Variants in ZNF682 observed in about 807,000 individuals in gnomAD.
ZNF682 encodes zinc finger protein 682.
A neutral mutation model predicts 36.5 loss-of-function variants in ZNF682; 29 were observed. That is an observed-to-expected ratio of 0.80 (90% CI 0.59 to 1.08). The LOEUF (loss-of-function observed/expected upper bound fraction) is 1.08. Ranked by LOEUF, ZNF682 falls within the 50% of genes least tolerant of loss-of-function variation. The pLI, the probability that ZNF682 is intolerant of heterozygous loss-of-function variation, is 0.00. For missense variants in ZNF682, 561 were observed against 579.7 expected, an observed-to-expected ratio of 0.97 and a Z score of 0.33; for synonymous variants, 180 against 197.0, an observed-to-expected ratio of 0.91 and a Z score of 0.72.
rs555413899 is a variant in ZNF682 at position 20,018,286 on chromosome 19, G to A, written c.226+4718C>T. On this transcript the variant is annotated intron_variant, in intron 3 of 3. Transcript: ENST00000397165. The stretch of plus-strand genomic sequence containing the variant: ...TTTTTTGTATTTTTAGTAGAGACGG[G>A]GTTTCACCGTTTTTAGCCGGGATGG... Among the ~76,000 whole-genome samples, 70 of 150,846 alleles carry A rather than the reference G, an allele frequency of 4.6e-4. No individual in the cohort carries two copies. The South Asian group carries it at 9.9e-3, about 21-fold the overall frequency.
chr19:20,003,291 T>C (rs1406784514), downstream of ZNF682, among the ~76,000 whole-genome samples: 3 of 151,680 alleles, frequency 2.0e-5, no homozygotes, highest in South Asian at 6.2e-4. Flanking sequence ...AATAAAATGT[T>C]ACAACATATT....
chr19:19,997,263 C>A (rs1288696313), exon 4 of ZNF682: 4 of 398,432 alleles, frequency 1.0e-5, no homozygotes, highest in Non-Finnish European at 1.8e-5. Context: ...TCTGTAGGTA[C>A]CTGAAATGGA....
At chr19:20,019,148 C>G (rs1258350769) in intron 3 of ZNF682, among the ~76,000 whole-genome samples, 1 of 152,022 alleles carries the variant, frequency 6.6e-6, no homozygotes, top group South Asian at 2.1e-4. Flanking sequence ...AAAGGATGCT[C>G]AAGATTGCTA....
intron 3 of ZNF682, among the ~76,000 whole-genome samples, chr19:19,997,448 A>C (rs916601395): frequency 6.6e-6 from 1 of 152,154 alleles, no homozygotes; most frequent in Non-Finnish European, 1.5e-5. Context: ...CTGAGACTGC[A>C]AAAATGCTTC....
intron 3 of ZNF682, chr19:20,015,794 T>A (rs981713865): frequency 1.3e-5 from 5 of 398,006 alleles, no homozygotes; most frequent in Non-Finnish European, 1.8e-5. Flanking sequence ...GGAAACTTAT[T>A]AATATGTTGC....
intron 1 of ZNF682, among the ~76,000 whole-genome samples, chr19:20,027,475 G>A: frequency 6.6e-6 from 1 of 152,182 alleles, no homozygotes; most frequent in East Asian, 1.9e-4. Context: ...AACAAAGCCT[G>A]GGGGCTAGGC....
intron 3 of ZNF682, chr19:20,015,265 A>T (rs1252212214): frequency 3.0e-5 from 30 of 985,214 alleles, no homozygotes; most frequent in Non-Finnish European, 3.6e-5. Context: ...ATGACTCCTC[A>T]TCTAAACAGG....
In ZNF682 at chr19:20,005,960, T is replaced by C. The variant is rs374716859; in HGVS notation, c.*45A>G. ...TGCCTTGAGCAAGATTTATGGAATTTGCCACATTCTTTACATTTGTAGGAT... is the reference window on the plus strand; with the variant it reads ...TGCCTTGAGCAAGATTTATGGAATTCGCCACATTCTTTACATTTGTAGGAT... On this transcript the variant is annotated 3_prime_UTR_variant, in exon 4 of 4. Transcript: ENST00000397165. The C allele has an allele frequency of 1.7e-4, 250 of 1,515,114 alleles. No individual in the cohort carries two copies. The highest frequency in any genetic ancestry group is 2.2e-4 in the Non-Finnish European group (245 of 1,126,474). 93.9% of individuals were successfully genotyped at this position (1,515,114 alleles called of 1,614,324 possible). A position where few individuals can be genotyped will look rare whatever the true frequency, so the allele number is the denominator to read the frequency against.
At chr19:20,038,493 A>G (rs1442743943) in intron 1 of ZNF682, among the ~76,000 whole-genome samples, 1 of 152,076 alleles carries the variant, frequency 6.6e-6, no homozygotes, top group East Asian at 1.9e-4. Flanking sequence ...ACAGAGTGGT[A>G]GCTTTGAGAT....
At chr19:20,023,679 A>G (rs543074128) in intron 2 of ZNF682, among the ~76,000 whole-genome samples, 2 of 135,254 alleles carry the variant, frequency 1.5e-5, no homozygotes, top group East Asian at 4.1e-4. Flanking sequence ...TTATAATGGA[A>G]TTCCAAGAAT....
At chr19:20,034,487 G>GA (rs1356598872) in intron 1 of ZNF682, among the ~76,000 whole-genome samples, 1 of 152,076 alleles carries the variant, frequency 6.6e-6, no homozygotes, top group Admixed American at 6.6e-5. Flanking sequence ...TTAGTAAAAT[G>GA]AAAAAATAGG....
At chr19:20,024,609 A>G (rs1236119624) in intron 1 of ZNF682, among the ~76,000 whole-genome samples, 1 of 152,200 alleles carries the variant, frequency 6.6e-6, no homozygotes, top group African/African-American at 2.4e-5. Flanking sequence ...AGGCCGAGGC[A>G]GGCAGATCAC....
At chr19:20,019,287 G>C (rs1445322961) in intron 3 of ZNF682, among the ~76,000 whole-genome samples, 1 of 152,082 alleles carries the variant, frequency 6.6e-6, no homozygotes, top group Non-Finnish European at 1.5e-5. Flanking sequence ...GAGGCCTTTT[G>C]AGCCACTGGT....
downstream of ZNF682, among the ~76,000 whole-genome samples, chr19:20,003,996 T>A (rs954964005): frequency 6.6e-6 from 1 of 152,214 alleles, no homozygotes; most frequent in African/African-American, 2.4e-5. Context: ...CCCTTACACT[T>A]TATCTTTAGA....
downstream of ZNF682, among the ~76,000 whole-genome samples, chr19:20,000,961 G>A (rs2088164588): frequency 6.6e-6 from 1 of 152,174 alleles, no homozygotes; most frequent in Non-Finnish European, 1.5e-5. Context: ...GGTCTCTATA[G>A]CTAGGAACCT....
At chr19:20,003,064 G>C (rs960254015), downstream of ZNF682, among the ~76,000 whole-genome samples, 14 of 150,068 alleles carry the variant, frequency 9.3e-5, no homozygotes, top group African/African-American at 3.4e-4. Flanking sequence ...GGTGGTGGGC[G>C]CCTGTAGTCC....
intron 1 of ZNF682, among the ~76,000 whole-genome samples, chr19:20,028,678 T>C (rs947971234): frequency 1.3e-5 from 2 of 152,206 alleles, no homozygotes; most frequent in African/African-American, 4.8e-5. Flanking sequence ...TGGTCCAAAA[T>C]AAAAACCACC....
At chr19:20,014,047 A>G (rs1455456293) in intron 3 of ZNF682, among the ~76,000 whole-genome samples, 1 of 152,260 alleles carries the variant, frequency 6.6e-6, no homozygotes, top group African/African-American at 2.4e-5. Context: ...CAACATCTTT[A>G]CAGTGCCCAA....
At chr19:20,001,608 T>A (rs574640431), downstream of ZNF682, among the ~76,000 whole-genome samples, 1 of 152,340 alleles carries the variant, frequency 6.6e-6, no homozygotes, top group Non-Finnish European at 1.5e-5. Context: ...AGGACTGCCA[T>A]AACACAGCAT....
Sources: allele counts gnomAD v4.1 joint callset (sites outside exome capture counted in the v4.1 genomes callset), GRCh38; gene constraint gnomAD v4.1.1; transcripts MANE v1.5; gene names NCBI Gene and HGNC (gene_info 2026-07-23, HGNC 2026-07-21).